The following HDAC5 variants were observed in gnomAD, a reference collection of about 807,000 sequenced individuals.
The protein encoded by HDAC5 is histone deacetylase 5, also known as antigen NY-CO-9.
A neutral mutation model predicts 133.3 loss-of-function variants in HDAC5; 25 were observed. The observed-to-expected ratio is 0.19, with a 90% CI of 0.14 to 0.26. The LOEUF (loss-of-function observed/expected upper bound fraction) is 0.26, where lower values mean the gene tolerates loss of function less well. Ranked by LOEUF, HDAC5 falls within the 10% of genes least tolerant of loss-of-function variation. The pLI is 1.00. For missense variants in HDAC5, 1,041 were observed against 1,460.5 expected, an observed-to-expected ratio of 0.71 and a Z score of 4.68; for synonymous variants, 589 against 610.8, an observed-to-expected ratio of 0.96 and a Z score of 0.53.
At chr17:44,079,322 A>G in intron 23 of HDAC5, 45 bp from the exon 24 acceptor site, 4 of 1,593,454 alleles carry the variant, frequency 2.5e-6, no homozygotes, top group Non-Finnish European at 3.4e-6. Context: ...GCGAAAGGTA[A>G]TCAATCAATT....
chr17:44,110,977 C>A, intron 2 of HDAC5, 177 bp from the exon 3 acceptor site: 2 of 617,156 alleles, frequency 3.2e-6, no homozygotes, highest in South Asian at 1.8e-5. Flanking sequence ...GCCGACGGGA[C>A]CCACACTGTA....
At chr17:44,080,611 A>T in intron 21 of HDAC5, 113 bp from the exon 22 acceptor site, 1 of 1,449,758 alleles carries the variant, frequency 6.9e-7, no homozygotes, top group Non-Finnish European at 9.6e-7. Flanking sequence ...CTCTGCCTGG[A>T]GGGGCAGTCA....
At chr17:44,108,401 G>T (rs1462991628) in intron 3 of HDAC5, among the ~76,000 whole-genome samples, 1 of 152,160 alleles carries the variant, frequency 6.6e-6, no homozygotes, top group Non-Finnish European at 1.5e-5. Flanking sequence ...CTGGGCAATG[G>T]CAACAACCAA....
intron 1 of HDAC5, among the ~76,000 whole-genome samples, chr17:44,118,703 T>A (rs2052801533): frequency 6.6e-6 from 1 of 152,078 alleles, no homozygotes; most frequent in Non-Finnish European, 1.5e-5. Flanking sequence ...TCTCATTCAT[T>A]TGCTTCCAAA....
chr17:44,080,951 C>A, intron 20 of HDAC5, 69 bp from the exon 21 acceptor site: 1 of 1,600,110 alleles, frequency 6.2e-7, no homozygotes, highest in South Asian at 1.1e-5. Context: ...TTCCACCTGT[C>A]AGCTGAGCAC....
At chr17:44,109,444 CA>C (rs1466167500) in intron 3 of HDAC5, among the ~76,000 whole-genome samples, 1 of 152,122 alleles carries the variant, frequency 6.6e-6, no homozygotes, top group Middle Eastern at 3.2e-3. Context: ...CCCAAGGTTA[CA>C]CCCCCATCCC....
At position 44,087,435 on chromosome 17, in the gene HDAC5, C is replaced by T; in HGVS notation, c.1861G>A (p.Glu621Lys). The change falls in exon 13 of 27, where the codon GAG becomes AAG. Residue 621 changes from glutamate to lysine, a missense_variant. By Grantham distance (56) the Glu-to-Lys change is moderately conservative. Transcript: ENST00000682912. The part of the protein sequence containing the change: ...SGAEEGPDLE[E>K]PGAGYKKLFS... The stretch of plus-strand genomic sequence containing the variant: ...ACTTTTTTGTATCCAGCACCAGGCT[C>T]CTCCAAGTCGGGCCCCTCCTCAGCA... The T allele has an allele frequency of 8.5e-7, 1 of 1,172,038 alleles. No homozygotes were observed. Among genetic ancestry groups the T allele is most frequent in the Middle Eastern group, 1.9e-4 (1 of 5,224 alleles). The allele number at this position is 1,172,038 out of a possible 1,614,324, so 72.6% of individuals were successfully genotyped here.
intron 3 of HDAC5, among the ~76,000 whole-genome samples, chr17:44,094,353 G>C (rs1400913896): frequency 6.6e-6 from 1 of 151,442 alleles, no homozygotes; most frequent in Non-Finnish European, 1.5e-5. Flanking sequence ...ACAAAAAGGG[G>C]GAGGCCGGGC....
At chr17:44,122,881 C>T (rs1181242758) in intron 1 of HDAC5, among the ~76,000 whole-genome samples, 4 of 152,200 alleles carry the variant, frequency 2.6e-5, no homozygotes, top group Admixed American at 6.5e-5. Flanking sequence ...ATCCTGGCTC[C>T]AAGGTGTCAG....
At chr17:44,104,253 G>A (rs1053769118) in intron 3 of HDAC5, among the ~76,000 whole-genome samples, 8 of 152,044 alleles carry the variant, frequency 5.3e-5, no homozygotes, top group South Asian at 2.1e-4. Context: ...GCAGTGAGCT[G>A]AGATTGCACT....
Position 44,080,395 on chromosome 17 carries a change from C to A in HDAC5, c.2825+6G>T, listed in dbSNP as rs2050335079. ...ACTGACTACCATGGCCCTTTTCAGT[C>A]CCTACCTGAAGGCTGTAAGGTACTC... On this transcript the variant is annotated splice_donor_region_variant and intron_variant, in intron 22 of 26. Coordinates refer to ENST00000682912, the MANE Select transcript of HDAC5 (RefSeq NM_005474.5). The A allele has an allele frequency of 6.2e-7, 1 of 1,613,156 alleles. No individual in the cohort carries two copies. The highest frequency in any genetic ancestry group is 8.5e-7 in the Non-Finnish European group (1 of 1,179,174).
Position 44,120,972 on chromosome 17 carries a change from G to A in HDAC5, c.-190+2532C>T, listed in dbSNP as rs538487629. 1.4e-4 allele frequency among the ~76,000 whole-genome samples: 21 copies of A among 152,128 alleles called. No homozygotes were observed. The South Asian group carries it at 4.1e-3, about 30-fold the overall frequency. On this transcript the variant is annotated intron_variant, in intron 1 of 26. Coordinates refer to ENST00000682912, the MANE Select transcript of HDAC5 (RefSeq NM_005474.5). ...AGGCCCCAAACCAGGGAAAGGGGGAGGGTGACAGGGAAGGAAAAAAGGCAC... is the reference window on the plus strand; with the variant it reads ...AGGCCCCAAACCAGGGAAAGGGGGAAGGTGACAGGGAAGGAAAAAAGGCAC...
intron 20 of HDAC5, chr17:44,082,297 T>C: frequency 2.1e-6 from 1 of 477,620 alleles, no homozygotes; most frequent in Non-Finnish European, 3.8e-6. Flanking sequence ...GCAGCGTCAC[T>C]ACCGTTCAAG....
intron 3 of HDAC5, among the ~76,000 whole-genome samples, chr17:44,097,603 C>T (rs1434217794): frequency 3.3e-5 from 5 of 152,206 alleles, no homozygotes; most frequent in African/African-American, 7.2e-5. Flanking sequence ...CTGAGCTGGC[C>T]GGAGGGTTAT....
chr17:44,116,024 T>C (rs530760986), intron 2 of HDAC5: 1 of 152,362 alleles, frequency 6.6e-6, no homozygotes, highest in Non-Finnish European at 1.5e-5. Flanking sequence ...CTATCCTGGG[T>C]TGATTATCAC....
chr17:44,090,683 T>G (rs968713742), intron 11 of HDAC5, among the ~76,000 whole-genome samples: 10 of 151,666 alleles, frequency 6.6e-5, no homozygotes, highest in East Asian at 3.9e-4. Context: ...TCCACTTGCT[T>G]CTTTTAATTT....
chr17:44,100,330 T>C (rs1224285883), intron 3 of HDAC5, among the ~76,000 whole-genome samples: 1 of 151,906 alleles, frequency 6.6e-6, no homozygotes, highest in African/African-American at 2.4e-5. Flanking sequence ...ATGGGAACTA[T>C]AGTTCCCCCT....
intron 3 of HDAC5, among the ~76,000 whole-genome samples, chr17:44,107,027 C>T (rs2051998933): frequency 6.6e-6 from 1 of 152,052 alleles, no homozygotes; most frequent in Non-Finnish European, 1.5e-5. Flanking sequence ...TCATTGCAGC[C>T]TCAAACTCCT....
chr17:44,099,471 C>A (rs982549197), intron 3 of HDAC5, among the ~76,000 whole-genome samples: 6 of 151,108 alleles, frequency 4.0e-5, no homozygotes, highest in Admixed American at 3.3e-4. Flanking sequence ...GTGTGTGTTT[C>A]GTTTTTTCTT....
Sources: allele counts gnomAD v4.1 joint callset (sites outside exome capture counted in the v4.1 genomes callset), GRCh38; gene constraint gnomAD v4.1.1; transcripts MANE v1.5; gene names NCBI Gene and HGNC (gene_info 2026-07-23, HGNC 2026-07-21).